The following LRP1B variants were observed in gnomAD, a reference collection of about 807,000 sequenced individuals.
The protein encoded by LRP1B is LDL receptor related protein 1B, also known as low-density lipoprotein receptor-related protein 1B.
In LRP1B, 217 loss-of-function variants were observed where a neutral mutation model predicts 556.6. That is an observed-to-expected ratio of 0.39 (90% CI 0.35 to 0.44). The LOEUF is 0.44. LRP1B is among the 20% of genes least tolerant of loss of function. LRP1B has a pLI of 1.00. For synonymous variants in LRP1B, 2,047 were observed against 1,865.8 expected, an observed-to-expected ratio of 1.10 and a Z score of -2.50; for missense variants, 5,053 against 5,620.8, an observed-to-expected ratio of 0.90 and a Z score of 3.23.
chr2:140,355,409 C>A (rs116285866), intron 75 of LRP1B, among the ~76,000 whole-genome samples: 1,904 of 151,986 alleles, frequency 0.013, 24 homozygotes, highest in South Asian at 0.019. Flanking sequence ...AGTAATGGAA[C>A]AATCAAATGT....
At chr2:140,278,702 C>T (rs1456978938) in intron 84 of LRP1B, among the ~76,000 whole-genome samples, 2 of 152,006 alleles carry the variant, frequency 1.3e-5, no homozygotes, top group East Asian at 3.9e-4. Context: ...ATAAATAATT[C>T]TAAATTGCAT....
chr2:140,232,874 A>G lies in LRP1B; in HGVS notation c.*312T>C, dbSNP rs150012822. On this transcript the variant is annotated 3_prime_UTR_variant, in exon 91 of 91. Transcript: ENST00000389484. ...GTACAACCAAAAAAGTTCATATAAA[A>G]TAGATTGCTCATATTCACACTACAA... The G allele has an allele frequency of 4.7e-4, 85 of 181,386 alleles. 1 individual carries two copies. The East Asian group carries it at 0.011, about 22-fold the overall frequency. 11.2% of individuals were successfully genotyped at this position (181,386 alleles called of 1,614,324 possible). A position where few individuals can be genotyped will look rare whatever the true frequency, so the allele number is the denominator to read the frequency against.
chr2:142,052,307 G>A (rs1056435676), intron 1 of LRP1B, among the ~76,000 whole-genome samples: 1 of 151,998 alleles, frequency 6.6e-6, no homozygotes, highest in African/African-American at 2.4e-5. Flanking sequence ...ACATTTGAAA[G>A]AGCCTCCTGG....
intron 2 of LRP1B, among the ~76,000 whole-genome samples, chr2:141,552,029 A>T (rs1251478223): frequency 1.3e-5 from 2 of 152,078 alleles, no homozygotes; most frequent in Non-Finnish European, 2.9e-5. Flanking sequence ...GAATAATCAC[A>T]GTGTGATATT....
At chr2:140,961,476 G>A (rs73964756) in intron 18 of LRP1B, among the ~76,000 whole-genome samples, 4,080 of 152,016 alleles carry the variant, frequency 0.027, 155 homozygotes, top group African/African-American at 0.086. Context: ...AAACACAAAT[G>A]ATTGACATAT....
chr2:141,427,102 C>A (rs144277107), intron 3 of LRP1B, among the ~76,000 whole-genome samples: 2 of 152,114 alleles, frequency 1.3e-5, no homozygotes, highest in Non-Finnish European at 1.5e-5. Flanking sequence ...TCAACTCCCA[C>A]TTATGAGTGC....
At chr2:140,901,150 G>C (rs534919269) in intron 23 of LRP1B, among the ~76,000 whole-genome samples, 5 of 151,828 alleles carry the variant, frequency 3.3e-5, no homozygotes, top group East Asian at 1.9e-4. Context: ...GGCTCCAGGT[G>C]GGGGAGGGCT....
chr2:140,923,129 C>G lies in LRP1B; in HGVS notation c.3155G>C (p.Gly1052Ala), dbSNP rs2105258915. ...CTKEEIHSPA[G>A]CNGNEFQCHP... ...GCACTGAAATTCATTTCCGTTACAA[C>G]CAGCAGGAGAATGAATCTCTTAATT... The change falls in exon 21 of 91, where the codon GGT (glycine) becomes GCT (alanine). Residue 1052 changes from glycine to alanine, a missense_variant. Coordinates refer to ENST00000389484, the MANE Select transcript of LRP1B (RefSeq NM_018557.3). 6.2e-7 allele frequency: 1 copy of G among 1,611,580 alleles called. No homozygotes were observed. The highest frequency in any genetic ancestry group is 8.5e-7 in the Non-Finnish European group (1 of 1,178,642).
At chr2:141,439,597 A>G (rs928384881) in intron 3 of LRP1B, among the ~76,000 whole-genome samples, 7 of 152,174 alleles carry the variant, frequency 4.6e-5, no homozygotes, top group African/African-American at 1.7e-4. Context: ...ATGCCATGGC[A>G]CAATAGGTCA....
intron 3 of LRP1B, among the ~76,000 whole-genome samples, chr2:141,442,548 T>G (rs1333486487): frequency 6.6e-6 from 1 of 151,992 alleles, no homozygotes; most frequent in Admixed American, 6.6e-5. Context: ...TCATCTACAT[T>G]AGGTATTTCT....
intron 1 of LRP1B, among the ~76,000 whole-genome samples, chr2:141,928,591 T>C (rs948794132): frequency 5.3e-5 from 8 of 152,138 alleles, no homozygotes; most frequent in African/African-American, 1.9e-4. Context: ...GAGTCAAACA[T>C]ATTGGTATCT....
intron 3 of LRP1B, among the ~76,000 whole-genome samples, chr2:141,341,547 G>A (rs752956797): frequency 1.7e-4 from 26 of 151,958 alleles, no homozygotes; most frequent in Admixed American, 7.9e-4. Context: ...TTCTCTTCAT[G>A]TTTCAGTGAC....
At chr2:140,259,478 GTAAAA>G (rs760044991) in intron 86 of LRP1B, among the ~76,000 whole-genome samples, 9 of 152,052 alleles carry the variant, frequency 5.9e-5, no homozygotes, top group Non-Finnish European at 8.8e-5. Context: ...GAGAATCATA[GTAAAA>G]TAAATCATTT....
chr2:141,801,610 T>C (rs1696009738), intron 2 of LRP1B, among the ~76,000 whole-genome samples: 1 of 152,172 alleles, frequency 6.6e-6, no homozygotes, highest in Non-Finnish European at 1.5e-5. Flanking sequence ...AAAAGACATA[T>C]ATTTGCAGTA....
intron 3 of LRP1B, among the ~76,000 whole-genome samples, chr2:141,362,526 T>C (rs1688863073): frequency 6.6e-6 from 1 of 152,258 alleles, no homozygotes; most frequent in Admixed American, 6.5e-5. Context: ...CCACTTGGCA[T>C]ATGGTACAAT....
At chr2:140,866,646 G>A (rs990685010) in intron 27 of LRP1B, among the ~76,000 whole-genome samples, 1 of 151,978 alleles carries the variant, frequency 6.6e-6, no homozygotes, top group Non-Finnish European at 1.5e-5. Flanking sequence ...TCAGAGAAAG[G>A]ACACAGAAAA....
chr2:140,884,972 CA>C (rs1693591093), intron 24 of LRP1B, among the ~76,000 whole-genome samples: 1 of 152,190 alleles, frequency 6.6e-6, no homozygotes, highest in African/African-American at 2.4e-5. Flanking sequence ...CTCAGCCTCC[CA>C]AAGTGCTGGG....
intron 72 of LRP1B, among the ~76,000 whole-genome samples, chr2:140,361,493 C>G: frequency 6.7e-6 from 1 of 150,052 alleles, no homozygotes; most frequent in Non-Finnish European, 1.5e-5. Context: ...ATTTTAAGAG[C>G]AGAGACAGAA....
At chr2:140,522,473 T>C (rs1232258397) in intron 49 of LRP1B, among the ~76,000 whole-genome samples, 2 of 151,624 alleles carry the variant, frequency 1.3e-5, no homozygotes, top group African/African-American at 2.4e-5. Context: ...ATCAAAAAGA[T>C]AGAAAGAGCT....
Sources: gnomAD v4.1 joint callset for allele counts (sites outside exome capture counted in the v4.1 genomes callset) on GRCh38, gnomAD v4.1.1 for gene constraint, MANE v1.5 for transcripts, NCBI Gene and HGNC (gene_info 2026-07-23, HGNC 2026-07-21) for gene names.